CEP63: variants seen among roughly 807,000 people sequenced by gnomAD.
CEP63 encodes centrosomal protein of 63 kDa.
In CEP63, 84 loss-of-function variants were observed where a neutral mutation model predicts 89.1. The ratio of observed to expected loss-of-function variants is 0.94; its 90% confidence interval spans 0.79 to 1.13. CEP63 has a LOEUF of 1.13. Among genes scored for constraint, CEP63 ranks in the 50% most tolerant of loss-of-function variants. The probability of loss-of-function intolerance (pLI) is 0.00; values close to 1 mark genes in which losing one functional copy is unlikely to be tolerated. For missense variants in CEP63, 838 were observed against 813.3 expected, an observed-to-expected ratio of 1.03 and a Z score of -0.37; for synonymous variants, 267 against 272.5, an observed-to-expected ratio of 0.98 and a Z score of 0.20.
At chr3:134,586,234 TA>T (rs1958482236) in intron 10 of CEP63, among the ~76,000 whole-genome samples, 1 of 152,182 alleles carries the variant, frequency 6.6e-6, no homozygotes, top group African/African-American at 2.4e-5. Context: ...ATCTTGTCAT[TA>T]TAATGTTAGC....
At chr3:134,513,391 A>G (rs1945456628) in intron 3 of CEP63, among the ~76,000 whole-genome samples, 1 of 152,200 alleles carries the variant, frequency 6.6e-6, no homozygotes, top group Non-Finnish European at 1.5e-5. Context: ...GTTAAATATG[A>G]ATTATTTCAG....
At chr3:134,536,886 A>G (rs1251820125) in intron 5 of CEP63, 2 of 422,438 alleles carry the variant, frequency 4.7e-6, no homozygotes, top group South Asian at 2.2e-5. Flanking sequence ...AGTGAAAAAC[A>G]TCTGAATCCA....
intron 2 of CEP63, among the ~76,000 whole-genome samples, chr3:134,504,103 GTC>G (rs1035408414): frequency 2.7e-5 from 4 of 146,036 alleles, no homozygotes; most frequent in African/African-American, 5.2e-5. Context: ...GTGTAATTTG[GTC>G]TCTCTCTCTT....
the CEP63 span, among the ~76,000 whole-genome samples, chr3:134,618,620 C>T: frequency 6.6e-6 from 1 of 151,688 alleles, no homozygotes; most frequent in Non-Finnish European, 1.5e-5. Flanking sequence ...TGTCACCCAC[C>T]CCAGCAACCT....
intron 5 of CEP63, among the ~76,000 whole-genome samples, chr3:134,534,419 C>T (rs946984161): frequency 6.6e-6 from 1 of 152,140 alleles, no homozygotes; most frequent in Non-Finnish European, 1.5e-5. Context: ...CCTATCTTTT[C>T]AGCTAACTCT....
At position 134,529,311 on chromosome 3, in the gene CEP63, T is replaced by A. The variant is rs1949373134; in HGVS notation, c.223-2534T>A. On this transcript the variant is annotated intron_variant, in intron 3 of 14. Coordinates refer to ENST00000675561, the MANE Select transcript of CEP63 (RefSeq NM_001353108.3). ...TACAGATTTTTTCCAATTTGTCCAG[T>A]TTTTATAAAAGAACAAATCCCCATT... Among the ~76,000 whole-genome samples, 4 of 151,762 alleles carry A rather than the reference T, an allele frequency of 2.6e-5. No individual in the cohort carries two copies. The South Asian group carries it at 6.2e-4, about 24-fold the overall frequency.
At chr3:134,594,573 G>A in the CEP63 span, among the ~76,000 whole-genome samples, 1 of 152,008 alleles carries the variant, frequency 6.6e-6, no homozygotes, top group Non-Finnish European at 1.5e-5. Flanking sequence ...AGCACTCCCA[G>A]CCAGGTGGCA....
chr3:134,486,698 G>A, intron 1 of CEP63: 1 of 247,002 alleles, frequency 4.0e-6, no homozygotes, highest in Non-Finnish European at 6.5e-6. Flanking sequence ...CGGCACAAGG[G>A]GACCCGCTCA....
At chr3:134,659,810 C>T in the CEP63 span, among the ~76,000 whole-genome samples, 4,003 of 152,256 alleles carry the variant, frequency 0.026, 71 homozygotes, top group Non-Finnish European at 0.041. Flanking sequence ...AGGGGCCTGG[C>T]GGGAGGATGT....
intron 3 of CEP63, chr3:134,511,232 T>A (rs1241716722): frequency 1.8e-5 from 3 of 166,934 alleles, no homozygotes; most frequent in Non-Finnish European, 3.9e-5. Flanking sequence ...TCTGCCTTCC[T>A]CTTTGGGCAG....
chr3:134,571,214 C>T (rs947436717), intron 11 of CEP63, among the ~76,000 whole-genome samples: 1 of 152,204 alleles, frequency 6.6e-6, no homozygotes, highest in African/African-American at 2.4e-5. Context: ...TAGGAGTGCC[C>T]TCTCTCCCTC....
chr3:134,502,013 A>G (rs999909704), intron 2 of CEP63, among the ~76,000 whole-genome samples: 3 of 152,136 alleles, frequency 2.0e-5, no homozygotes, highest in Non-Finnish European at 4.4e-5. Flanking sequence ...TTCGATGCCT[A>G]GTTTGTTGAG....
the CEP63 span, among the ~76,000 whole-genome samples, chr3:134,655,061 C>T: frequency 7.2e-5 from 11 of 152,158 alleles, no homozygotes; most frequent in Admixed American, 2.0e-4. Flanking sequence ...TTAACCTCTC[C>T]GAGCCTCAGT....
chr3:134,757,320 G>A, the CEP63 span, among the ~76,000 whole-genome samples: 1 of 152,168 alleles, frequency 6.6e-6, no homozygotes, highest in Non-Finnish European at 1.5e-5. Flanking sequence ...TAGGCAACCA[G>A]CAATATTTGC....
the CEP63 span, among the ~76,000 whole-genome samples, chr3:134,597,544 CTCCAGG>C: frequency 6.6e-6 from 1 of 152,204 alleles, no homozygotes; most frequent in Non-Finnish European, 1.5e-5. Context: ...CGCGGAGAGA[CTCCAGG>C]TGTTAGCACC....
chr3:134,608,496 C>T, the CEP63 span: 6 of 1,551,882 alleles, frequency 3.9e-6, no homozygotes, highest in Non-Finnish European at 5.2e-6. Context: ...AGCCTCCACT[C>T]ATCCACATGC....
chr3:134,689,291 C>T, the CEP63 span, among the ~76,000 whole-genome samples: 132 of 151,844 alleles, frequency 8.7e-4, no homozygotes, highest in Non-Finnish European at 1.5e-3. Context: ...AACTATGAGA[C>T]AGAAAAAAAT....
At chr3:134,773,901 TGG>T in the CEP63 span, among the ~76,000 whole-genome samples, 2 of 152,230 alleles carry the variant, frequency 1.3e-5, no homozygotes, top group African/African-American at 2.4e-5. Context: ...CTTGTTTTTA[TGG>T]GGAGGGTCTG....
Position 134,486,118 on chromosome 3 carries a change from G to C in CEP63, c.-110G>C. ...GCATTGTTTCAATTATTAAAAGTGT[G>C]GGGGCAGTGGGCGGAACAAACGCGC... On this transcript the variant is annotated 5_prime_UTR_variant, in exon 1 of 15. Coordinates refer to ENST00000675561, the MANE Select transcript of CEP63 (RefSeq NM_001353108.3). The C allele has an allele frequency of 1.0e-6, 1 of 985,582 alleles. No individual in the cohort carries two copies. The allele number at this position is 985,582 out of a possible 1,614,324, so 61.1% of individuals were successfully genotyped here.
Sources: gnomAD v4.1 joint callset for allele counts (sites outside exome capture counted in the v4.1 genomes callset) on GRCh38, gnomAD v4.1.1 for gene constraint, MANE v1.5 for transcripts, NCBI Gene and HGNC (gene_info 2026-07-23, HGNC 2026-07-21) for gene names.